ASPH: variants seen among roughly 807,000 people sequenced by gnomAD.
ASPH encodes aspartate beta-hydroxylase.
ASPH carries 100 observed loss-of-function variants against 118.4 expected under a neutral mutation model. That is an observed-to-expected ratio of 0.84 (90% confidence interval 0.72 to 1.00). The LOEUF (loss-of-function observed/expected upper bound fraction) is 1.00. Ranked by LOEUF, ASPH falls within the 50% of genes least tolerant of loss-of-function variation. The pLI, the probability that ASPH is intolerant of heterozygous loss-of-function variation, is 0.00. For synonymous variants in ASPH, 315 were observed against 325.6 expected, an observed-to-expected ratio of 0.97 and a Z score of 0.35; for missense variants, 920 against 919.5, an observed-to-expected ratio of 1.00 and a Z score of -0.01.
intron 1 of ASPH, among the ~76,000 whole-genome samples, chr8:61,702,595 CTA>C (rs1463031811): frequency 6.6e-6 from 1 of 152,162 alleles, no homozygotes; most frequent in Non-Finnish European, 1.5e-5. Context: ...CCCCCAATAA[CTA>C]CTTCTATACA....
rs557032116 is a variant in ASPH, at chr8:61,679,507, T to A, written c.322+1461A>T. Among the ~76,000 whole-genome samples the A allele has an allele frequency of 2.0e-5, 3 of 152,210 alleles. No homozygotes were observed. The South Asian group carries it at 6.2e-4, about 32-fold the overall frequency. ...TGTGTTTTATCAAAGAAATACCACA[T>A]TTTAATTTCTAATGGCATTTCCTGA... On this transcript the variant is annotated intron_variant, in intron 3 of 24. Coordinates refer to ENST00000379454, the MANE Select transcript of ASPH (RefSeq NM_004318.4).
rs184655255 is a variant in ASPH, at chr8:61,697,887, T to C, written c.104-13699A>G. Among the ~76,000 whole-genome samples, 255 of 152,204 alleles carry C rather than the reference T, an allele frequency of 1.7e-3. 1 individual carries two copies. Among genetic ancestry groups the C allele is most frequent in the African/African-American group, 5.5e-3 (229 of 41,506 alleles). ...CACTGTAGCCTTGAACTCCTAGCCT[T>C]GAATGCAATCCTCCCACCTCAGCCT... On this transcript the variant is annotated intron_variant, in intron 1 of 24. Transcript: ENST00000379454.
chr8:61,550,003 CA>C (rs1414814134), intron 20 of ASPH, among the ~76,000 whole-genome samples: 7 of 152,102 alleles, frequency 4.6e-5, no homozygotes, highest in African/African-American at 1.7e-4. Flanking sequence ...TTCTGACACT[CA>C]AAGTAAGTAA....
intron 15 of ASPH, among the ~76,000 whole-genome samples, chr8:61,577,621 G>T (rs1835788141): frequency 2.0e-5 from 3 of 152,192 alleles, no homozygotes; most frequent in Non-Finnish European, 4.4e-5. Context: ...GGCTGGGGAG[G>T]CCTAAGGAAA....
chr8:61,589,282 T>A (rs1840388273), intron 14 of ASPH, among the ~76,000 whole-genome samples: 1 of 152,212 alleles, frequency 6.6e-6, no homozygotes, highest in Non-Finnish European at 1.5e-5. Flanking sequence ...CAAAAAAAGT[T>A]ACAAGGCAGA....
intron 2 of ASPH, among the ~76,000 whole-genome samples, 172 bp from the exon 3 acceptor site, chr8:61,681,208 G>A (rs1563562292): frequency 6.6e-6 from 1 of 151,700 alleles, no homozygotes; most frequent in Non-Finnish European, 1.5e-5. Flanking sequence ...CCTAAAAATA[G>A]CGAGCAATTC....
chr8:61,578,433 C>T, intron 15 of ASPH: 2 of 1,602,378 alleles, frequency 1.2e-6, no homozygotes, highest in East Asian at 2.2e-5. Flanking sequence ...CAACCAGAGC[C>T]TACTGAGCCC....
At chr8:61,556,094 AC>A in intron 18 of ASPH, 72 bp from the exon 19 acceptor site, 1 of 1,308,588 alleles carries the variant, frequency 7.6e-7, no homozygotes, top group Non-Finnish European at 1.1e-6. Flanking sequence ...TCTACAGATG[AC>A]TGTCAAAACC....
At chr8:61,663,002 T>A in intron 3 of ASPH, 1 of 985,464 alleles carries the variant, frequency 1.0e-6, no homozygotes, top group Non-Finnish European at 1.2e-6. Flanking sequence ...AATTCACTTA[T>A]AATTGTTTGC....
intron 3 of ASPH, chr8:61,662,679 G>C (rs1381839697): frequency 4.2e-6 from 1 of 240,006 alleles, no homozygotes; most frequent in Non-Finnish European, 6.7e-6. Context: ...AAAGAAAAGA[G>C]AAGGGGAAAA....
chr8:61,653,790 C>T, intron 3 of ASPH, 130 bp from the exon 4 acceptor site: 1 of 936,356 alleles, frequency 1.1e-6, no homozygotes, highest in South Asian at 1.8e-5. Context: ...AAATTGTATG[C>T]TTAAAAAGTG....
chr8:61,587,532 A>G (rs566381116), intron 14 of ASPH, among the ~76,000 whole-genome samples: 19 of 152,364 alleles, frequency 1.2e-4, no homozygotes, highest in African/African-American at 4.6e-4. Flanking sequence ...AGTTAAAATA[A>G]TATTTATTTA....
intron 9 of ASPH, 142 bp from the exon 10 acceptor site, chr8:61,643,062 A>T: frequency 1.3e-6 from 1 of 788,384 alleles, no homozygotes; most frequent in Non-Finnish European, 1.9e-6. Context: ...GTCAATAATA[A>T]ATGCCTCTGC....
intron 14 of ASPH, among the ~76,000 whole-genome samples, chr8:61,605,994 T>A (rs966867829): frequency 6.6e-6 from 1 of 152,216 alleles, no homozygotes; most frequent in Admixed American, 6.5e-5. Flanking sequence ...ACAATCTGCC[T>A]CTGGCCTCCT....
chr8:61,523,751 T>G (rs1814151794), intron 22 of ASPH, among the ~76,000 whole-genome samples: 1 of 152,156 alleles, frequency 6.6e-6, no homozygotes, highest in African/African-American at 2.4e-5. Context: ...CTATGTGAAT[T>G]TTATCCCTTT....
intron 1 of ASPH, among the ~76,000 whole-genome samples, chr8:61,686,471 T>C (rs1375865672): frequency 6.6e-6 from 1 of 152,184 alleles, no homozygotes; most frequent in Non-Finnish European, 1.5e-5. Flanking sequence ...AGTAAGCTTC[T>C]GTGAGGTCAG....
intron 21 of ASPH, among the ~76,000 whole-genome samples, chr8:61,530,690 C>T (rs9643372): frequency 6.6e-6 from 1 of 152,172 alleles, no homozygotes; most frequent in Admixed American, 6.5e-5. Context: ...ATTTTTCTTA[C>T]TAATGTTTTT....
At chr8:61,515,634 G>T (rs539253113) in intron 24 of ASPH, among the ~76,000 whole-genome samples, 3 of 152,174 alleles carry the variant, frequency 2.0e-5, no homozygotes, top group Non-Finnish European at 4.4e-5. Flanking sequence ...CCACCTCCTG[G>T]ATGGTTCTAC....
At chr8:61,689,648 T>C in intron 1 of ASPH, 1 of 1,576,100 alleles carries the variant, frequency 6.3e-7, no homozygotes, top group South Asian at 1.1e-5. Flanking sequence ...TAAAGCCACT[T>C]TTAGCCTAAA....
Sources: gnomAD v4.1 joint callset for allele counts (sites outside exome capture counted in the v4.1 genomes callset) on GRCh38, gnomAD v4.1.1 for gene constraint, MANE v1.5 for transcripts, NCBI Gene and HGNC (gene_info 2026-07-23, HGNC 2026-07-21) for gene names.